Variants in KCTD8 observed in about 807,000 individuals in gnomAD.
The protein encoded by KCTD8 is BTB/POZ domain-containing protein KCTD8.
A neutral mutation model predicts 31.5 loss-of-function variants in KCTD8; 27 were observed. That is an observed-to-expected ratio of 0.86 (90% confidence interval 0.63 to 1.18). The LOEUF is 1.18. KCTD8 is among the 50% of genes most tolerant of loss of function. The pLI is 0.00. For synonymous variants in KCTD8, 290 were observed against 280.0 expected (o/e 1.04, Z -0.36); for missense variants, 658 against 647.7 (o/e 1.02, Z -0.17).
At chr4:44,379,907 T>C (rs1720016539) in intron 1 of KCTD8, among the ~76,000 whole-genome samples, 1 of 152,088 alleles carries the variant, frequency 6.6e-6, no homozygotes, top group South Asian at 2.1e-4. Flanking sequence ...GATCACTTTG[T>C]AATTTCCCTA....
In KCTD8 at chr4:44,174,223, T is replaced by A. The variant is rs958002132; in HGVS notation, c.*567A>T. The A allele has an allele frequency of 6.7e-6, 1 of 150,086 alleles. No homozygotes were observed. Among genetic ancestry groups the A allele is most frequent in the East Asian group, 1.9e-4 (1 of 5,180 alleles). The allele number at this position is 150,086 out of a possible 1,614,324, so 9.3% of individuals were successfully genotyped here. A position where few individuals can be genotyped will look rare whatever the true frequency, so the allele number is the denominator to read the frequency against. On this transcript the variant is annotated 3_prime_UTR_variant, in exon 2 of 2. Coordinates refer to ENST00000360029, the MANE Select transcript of KCTD8 (RefSeq NM_198353.3). ...CATTTATAGGCTTTGTCTAAAACAT[T>A]TTTTTTTGCTTTTTTTTGTAATTTT...
chr4:44,346,689 CAA>C (rs1333987726), intron 1 of KCTD8, among the ~76,000 whole-genome samples: 2 of 152,138 alleles, frequency 1.3e-5, no homozygotes, highest in East Asian at 3.9e-4. Context: ...AGCACTAGTA[CAA>C]AGAGAAGTGT....
chr4:44,357,810 TTAAAA>T (rs775054396), intron 1 of KCTD8, among the ~76,000 whole-genome samples: 8 of 151,892 alleles, frequency 5.3e-5, no homozygotes, highest in Non-Finnish European at 1.2e-4. Flanking sequence ...TCTGGTATCA[TTAAAA>T]TAAAAGGAAA....
chr4:44,192,120 T>C (rs1324899754), intron 1 of KCTD8, among the ~76,000 whole-genome samples: 4 of 152,210 alleles, frequency 2.6e-5, no homozygotes, highest in Admixed American at 2.0e-4. Flanking sequence ...CATTGAAATA[T>C]TGGGGGCGGG....
intron 1 of KCTD8, among the ~76,000 whole-genome samples, chr4:44,365,609 T>G (rs1379868632): frequency 1.3e-5 from 2 of 152,098 alleles, no homozygotes; most frequent in African/African-American, 4.8e-5. Flanking sequence ...ATAGTAATCT[T>G]AACAAAATAA....
At chr4:44,430,916 CT>C (rs1014929686) in intron 1 of KCTD8, among the ~76,000 whole-genome samples, 389 of 148,926 alleles carry the variant, frequency 2.6e-3, no homozygotes, top group Admixed American at 5.4e-3. Flanking sequence ...ATTTCTCTTT[CT>C]TTTTTTTTTC....
intron 1 of KCTD8, among the ~76,000 whole-genome samples, chr4:44,326,997 T>C (rs770677861): frequency 6.6e-6 from 1 of 151,896 alleles, no homozygotes; most frequent in Non-Finnish European, 1.5e-5. Context: ...GAAATAAAAT[T>C]GCACAAGGAT....
At chr4:44,204,611 A>G (rs1053685237) in intron 1 of KCTD8, among the ~76,000 whole-genome samples, 2 of 152,140 alleles carry the variant, frequency 1.3e-5, no homozygotes, top group South Asian at 4.1e-4. Flanking sequence ...TTTTTGAGAC[A>G]TGAGTCTTGC....
intron 1 of KCTD8, among the ~76,000 whole-genome samples, chr4:44,433,863 T>A (rs2109479429): frequency 6.6e-6 from 1 of 151,900 alleles, no homozygotes; most frequent in South Asian, 2.1e-4. Context: ...CTATCTCCAC[T>A]AATGTTCATC....
rs908428818 is a variant in KCTD8 at position 44,189,478 on chromosome 4, C to T, written c.962-14228G>A. Among the ~76,000 whole-genome samples, 19 of 146,872 alleles carry T rather than the reference C, an allele frequency of 1.3e-4. 3 individuals carry two copies. The highest frequency in any genetic ancestry group is 8.8e-4 in the Admixed American group (13 of 14,752). On this transcript the variant is annotated intron_variant, in intron 1 of 1. Coordinates refer to ENST00000360029, the MANE Select transcript of KCTD8 (RefSeq NM_198353.3). Reference sequence around the variant, plus strand: ...TAAAGGTCCTTAATATTTTGGAAAACAATTATCATATCTAGTCAAAGTTCT... The same window carrying T: ...TAAAGGTCCTTAATATTTTGGAAAATAATTATCATATCTAGTCAAAGTTCT...
At chr4:44,200,024 C>T (rs1047676661) in intron 1 of KCTD8, among the ~76,000 whole-genome samples, 4 of 151,860 alleles carry the variant, frequency 2.6e-5, no homozygotes, top group African/African-American at 7.2e-5. Flanking sequence ...GTACTGTAAA[C>T]ACCTCTGTGC....
intron 1 of KCTD8, among the ~76,000 whole-genome samples, chr4:44,270,361 A>C (rs1716549790): frequency 8.1e-6 from 1 of 124,034 alleles, no homozygotes; most frequent in Non-Finnish European, 1.6e-5. Context: ...TGGACACACG[A>C]AGGGGAACAT....
At position 44,173,977 on chromosome 4, in the gene KCTD8, GATA is replaced by G. The variant is rs1713119642; in HGVS notation, c.*810_*812del. On this transcript the variant is annotated 3_prime_UTR_variant, in exon 2 of 2. Coordinates refer to ENST00000360029, the MANE Select transcript of KCTD8 (RefSeq NM_198353.3). ...TTCCCTCTATTATTTTGATTAACAT[GATA>G]ATAGGATCTTTCAAAGCATCATTAT... 4.6e-5 allele frequency: 7 copies of G among 151,892 alleles called. No individual in the cohort carries two copies. The highest frequency in any genetic ancestry group is 3.3e-4 in the Admixed American group (5 of 15,254). The allele number at this position is 151,892 out of a possible 1,614,324, so 9.4% of individuals were successfully genotyped here. A position where few individuals can be genotyped will look rare whatever the true frequency, so the allele number is the denominator to read the frequency against.
At chr4:44,189,249 A>C (rs1378998419) in intron 1 of KCTD8, among the ~76,000 whole-genome samples, 1 of 152,068 alleles carries the variant, frequency 6.6e-6, no homozygotes, top group East Asian at 1.9e-4. Context: ...AAATTCCTAT[A>C]CTCAGCCATA....
intron 1 of KCTD8, among the ~76,000 whole-genome samples, chr4:44,409,972 A>G (rs953952327): frequency 1.3e-5 from 2 of 152,178 alleles, no homozygotes; most frequent in South Asian, 2.1e-4. Context: ...ACATATTTCA[A>G]TTGCTTCAGG....
intron 1 of KCTD8, among the ~76,000 whole-genome samples, chr4:44,303,360 T>G (rs1246247755): frequency 2.6e-5 from 4 of 152,034 alleles, no homozygotes; most frequent in African/African-American, 9.7e-5. Context: ...GGACTCTTTT[T>G]GGTTGGTAAG....
intron 1 of KCTD8, among the ~76,000 whole-genome samples, chr4:44,258,904 A>C (rs562723386): frequency 1.1e-4 from 17 of 152,006 alleles, no homozygotes; most frequent in African/African-American, 4.1e-4. Flanking sequence ...CAGTTTCTTC[A>C]TCTGTAAAAT....
At chr4:44,345,359 G>A (rs1466276424) in intron 1 of KCTD8, among the ~76,000 whole-genome samples, 1 of 152,034 alleles carries the variant, frequency 6.6e-6, no homozygotes, top group East Asian at 1.9e-4. Flanking sequence ...TCCTTGGCAG[G>A]TTGGAATAAA....
chr4:44,385,988 A>T (rs1429716063), intron 1 of KCTD8, among the ~76,000 whole-genome samples: 2 of 151,748 alleles, frequency 1.3e-5, no homozygotes, highest in Non-Finnish European at 3.0e-5. Flanking sequence ...AATGCAAATC[A>T]AAATGCCAAT....
Sources: allele counts gnomAD v4.1 joint callset (sites outside exome capture counted in the v4.1 genomes callset), GRCh38; gene constraint gnomAD v4.1.1; transcripts MANE v1.5; gene names NCBI Gene and HGNC (gene_info 2026-07-23, HGNC 2026-07-21).